The following LMX1B variants were observed in gnomAD, a reference collection of about 807,000 sequenced individuals.
The protein encoded by LMX1B is LIM homeobox transcription factor 1 beta.
In LMX1B, 12 loss-of-function variants were observed where a neutral mutation model predicts 51.4. That is an observed-to-expected ratio of 0.23 (90% confidence interval 0.15 to 0.38). LMX1B has a LOEUF of 0.38. Among genes scored for constraint, LMX1B ranks in the 10% least tolerant of loss-of-function variants. LMX1B has a pLI of 1.00. For missense variants in LMX1B, 445 were observed against 571.1 expected, an observed-to-expected ratio of 0.78 and a Z score of 2.25; for synonymous variants, 237 against 235.4, an observed-to-expected ratio of 1.01 and a Z score of -0.06.
At chr9:126,664,184 C>CG (rs972004421) in intron 2 of LMX1B, among the ~76,000 whole-genome samples, 7 of 152,110 alleles carry the variant, frequency 4.6e-5, no homozygotes, top group Non-Finnish European at 1.0e-4. Context: ...CTGAGGCTGT[C>CG]GGGGGGGTCT....
In LMX1B at chr9:126,641,470, A is replaced by G. The variant is rs1160545611; in HGVS notation, c.326+25901A>G. ...AATAGCAGGAACAGGACATGAACCC[A>G]TGTCTGCATATCTTCATGGGCCCTG... On this transcript the variant is annotated intron_variant, in intron 2 of 7. Coordinates refer to ENST00000373474, the MANE Select transcript of LMX1B (RefSeq NM_001174147.2). The surrounding 1 kb of genome is among the most constrained non-coding windows in gnomAD (Gnocchi z 4.1). 6.6e-6 allele frequency among the ~76,000 whole-genome samples: 1 copy of G among 152,082 alleles called. No individual in the cohort carries two copies. Among genetic ancestry groups the G allele is most frequent in the Non-Finnish European group, 1.5e-5 (1 of 68,012 alleles).
intron 2 of LMX1B, among the ~76,000 whole-genome samples, chr9:126,681,826 G>A (rs1034574008): frequency 2.6e-5 from 4 of 151,764 alleles, no homozygotes; most frequent in Admixed American, 6.6e-5. Context: ...GCTTGAACCC[G>A]GGAGGCAGAG....
At chr9:126,651,426 A>G (rs1193624296) in intron 2 of LMX1B, among the ~76,000 whole-genome samples, 1 of 152,056 alleles carries the variant, frequency 6.6e-6, no homozygotes, top group African/African-American at 2.4e-5. Flanking sequence ...GGCGGGGGTC[A>G]GCCCAGAGCT....
At chr9:126,691,479 A>T (rs1564168934) in intron 3 of LMX1B, among the ~76,000 whole-genome samples, 1 of 152,218 alleles carries the variant, frequency 6.6e-6, no homozygotes, top group African/African-American at 2.4e-5. Flanking sequence ...ATACATACAC[A>T]TACACACATG....
intron 2 of LMX1B, among the ~76,000 whole-genome samples, chr9:126,651,019 C>T (rs13285227): frequency 0.34 from 52,130 of 151,968 alleles, 9,611 homozygotes; most frequent in East Asian, 0.56. Context: ...TCTGCTAAGG[C>T]CCAGATGAGG....
At position 126,626,457 on chromosome 9, in the gene LMX1B, G is replaced by C. The variant is rs1428136686; in HGVS notation, c.326+10888G>C. 1.3e-5 allele frequency among the ~76,000 whole-genome samples: 2 copies of C among 152,138 alleles called. No individual in the cohort carries two copies. Among genetic ancestry groups the C allele is most frequent in the African/African-American group, 4.8e-5 (2 of 41,432 alleles). On this transcript the variant is annotated intron_variant, in intron 2 of 7. Transcript: ENST00000373474. This position sits in a 1 kb window ranked among gnomAD's most constrained non-coding sequence, Gnocchi z 4.3. Reference sequence around the variant, plus strand: ...GACATGGCCGGGGACCATGGGATTCGCTGCCATTAAGTATGGGACGGGCAG... The same window carrying C: ...GACATGGCCGGGGACCATGGGATTCCCTGCCATTAAGTATGGGACGGGCAG...
At position 126,615,851 on chromosome 9, in the gene LMX1B, G is replaced by A. The variant is rs1309818128; in HGVS notation, c.326+282G>A. Among the ~76,000 whole-genome samples, 1 of 152,218 alleles carries A rather than the reference G, an allele frequency of 6.6e-6. No individual in the cohort carries two copies. Among genetic ancestry groups the A allele is most frequent in the Admixed American group, 6.5e-5 (1 of 15,288 alleles). On this transcript the variant is annotated intron_variant, in intron 2 of 7. Coordinates refer to ENST00000373474, the MANE Select transcript of LMX1B (RefSeq NM_001174147.2). The surrounding 1 kb of genome is among the most constrained non-coding windows in gnomAD (Gnocchi z 6.0). ...CGAGGGATTTGGTGCCTGGGTCCTG[G>A]GATATAGGGTCTGGCGCTACGGAGG... is the stretch of plus-strand genomic sequence containing the variant.
chr9:126,628,733 T>C (rs1428064668), intron 2 of LMX1B, among the ~76,000 whole-genome samples: 3 of 152,134 alleles, frequency 2.0e-5, no homozygotes, highest in Admixed American at 1.3e-4. Context: ...TTGGCATATG[T>C]TTTTCTTTTC....
chr9:126,643,933 T>G (rs1564153012), intron 2 of LMX1B, among the ~76,000 whole-genome samples: 2 of 152,334 alleles, frequency 1.3e-5, no homozygotes, highest in East Asian at 3.9e-4. Context: ...ATGAGGAAAC[T>G]GAGGCTCGGG....
rs746775786 is a variant in LMX1B at position 126,693,728 on chromosome 9, A to G, written c.820-18A>G. 11 of 1,565,760 alleles carry G rather than the reference A, an allele frequency of 7.0e-6. No individual in the cohort carries two copies. The highest frequency in any genetic ancestry group is 2.7e-5 in the African/African-American group (2 of 74,166). ...GGGGCGAGGGGCAGCACCGGCCTGA[A>G]CTGCGCTCTCCCTGCAGATGAAGAA... On this transcript the variant is annotated intron_variant, in intron 5 of 7. Transcript: ENST00000373474.
At chr9:126,682,079 G>C (rs936139579) in intron 2 of LMX1B, among the ~76,000 whole-genome samples, 6 of 72,020 alleles carry the variant, frequency 8.3e-5, no homozygotes. Context: ...TTGGTCCCCA[G>C]GGTCTTTTTT....
intron 2 of LMX1B, among the ~76,000 whole-genome samples, chr9:126,643,347 G>T (rs867198309): frequency 6.6e-6 from 1 of 152,164 alleles, no homozygotes. Flanking sequence ...AGAGCCAGCA[G>T]AACAGATGAA....
chr9:126,626,308 C>T lies in LMX1B; in HGVS notation c.326+10739C>T, dbSNP rs1164359655. ...GCAGGGTGTCACCTCGTAAAAGCGA[C>T]AGGCAAGGACTGTTTTATGGGGAGG... On this transcript the variant is annotated intron_variant, in intron 2 of 7. Coordinates refer to ENST00000373474, the MANE Select transcript of LMX1B (RefSeq NM_001174147.2). The surrounding 1 kb of genome is among the most constrained non-coding windows in gnomAD (Gnocchi z 4.3). Among the ~76,000 whole-genome samples the T allele has an allele frequency of 6.6e-6, 1 of 152,236 alleles. No homozygotes were observed. The highest frequency in any genetic ancestry group is 2.4e-5 in the African/African-American group (1 of 41,462).
rs1235373501 is a variant in LMX1B, at chr9:126,658,026, G to C, written c.327-32810G>C. Among the ~76,000 whole-genome samples, 7 of 152,156 alleles carry C rather than the reference G, an allele frequency of 4.6e-5. No homozygotes were observed. The highest frequency in any genetic ancestry group is 4.6e-4 in the Admixed American group (7 of 15,276). On this transcript the variant is annotated intron_variant, in intron 2 of 7. Transcript: ENST00000373474. The surrounding 1 kb of genome is among the most constrained non-coding windows in gnomAD (Gnocchi z 4.0). ...AGGCTGGGCAAGAGGCCCTACTTAGGTCCTTGCTTGGGGGAATAAGCAGTG... is the reference window on the plus strand; with the variant it reads ...AGGCTGGGCAAGAGGCCCTACTTAGCTCCTTGCTTGGGGGAATAAGCAGTG...
intron 2 of LMX1B, among the ~76,000 whole-genome samples, chr9:126,684,885 G>A (rs926622980): frequency 6.6e-6 from 1 of 152,188 alleles, no homozygotes; most frequent in East Asian, 1.9e-4. Flanking sequence ...TTGTGAAGGG[G>A]CTGGGGGCAG....
chr9:126,696,859 T>A lies in LMX1B; in HGVS notation c.*408T>A. 3.7e-6 allele frequency: 1 copy of A among 272,438 alleles called. No homozygotes were observed. Among genetic ancestry groups the A allele is most frequent in the Non-Finnish European group, 7.1e-6 (1 of 140,012 alleles). The allele number at this position is 272,438 out of a possible 1,614,324, so 16.9% of individuals were successfully genotyped here. ...ACAATGGTGTCATGAGGCGGTGACC[T>A]GAGAAGCGTGTGTACCTGTGCCCCA... On this transcript the variant is annotated 3_prime_UTR_variant, in exon 8 of 8. Transcript: ENST00000373474.
chr9:126,638,911 T>C (rs1052844175), intron 2 of LMX1B, among the ~76,000 whole-genome samples: 1 of 152,180 alleles, frequency 6.6e-6, no homozygotes, highest in African/African-American at 2.4e-5. Flanking sequence ...GCGCTTCCAC[T>C]GCATGCATTA....
intron 2 of LMX1B, among the ~76,000 whole-genome samples, chr9:126,664,161 G>A (rs1402410078): frequency 6.6e-6 from 1 of 152,168 alleles, no homozygotes. Flanking sequence ...GCCACCCACA[G>A]CTGGCCCCAG....
intron 2 of LMX1B, among the ~76,000 whole-genome samples, chr9:126,635,217 C>G (rs1028411827): frequency 1.3e-5 from 2 of 152,334 alleles, no homozygotes; most frequent in Non-Finnish European, 2.9e-5. Context: ...CACCCTTCCC[C>G]CAGCCCTCCC....
Sources: allele counts gnomAD v4.1 joint callset (sites outside exome capture counted in the v4.1 genomes callset), GRCh38; gene constraint gnomAD v4.1.1; non-coding constraint Gnocchi (gnomAD v3.1); transcripts MANE v1.5; gene names NCBI Gene and HGNC (gene_info 2026-07-23, HGNC 2026-07-21).